CSMD1: variants seen among roughly 807,000 people sequenced by gnomAD.
CSMD1 encodes CUB and Sushi multiple domains 1.
A neutral mutation model predicts 417.5 loss-of-function variants in CSMD1; 213 were observed. The ratio of observed to expected loss-of-function variants is 0.51; its 90% CI spans 0.46 to 0.57. CSMD1 has a LOEUF of 0.57. Among genes scored for constraint, CSMD1 ranks in the 20% least tolerant of loss-of-function variants. The pLI is 0.00. For synonymous variants in CSMD1, 2,862 were observed against 1,736.8 expected (o/e 1.65, Z -16.11); for missense variants, 6,923 against 4,529.7 (o/e 1.53, Z -15.17).
intron 3 of CSMD1, among the ~76,000 whole-genome samples, chr8:4,105,328 C>T (rs1801512306): frequency 7.5e-6 from 1 of 132,580 alleles, no homozygotes; most frequent in South Asian, 2.8e-4. Flanking sequence ...AATCTTGTAA[C>T]ACTTCTGAAT....
chr8:3,275,475 T>A (rs1277614519), intron 26 of CSMD1, among the ~76,000 whole-genome samples: 1 of 152,226 alleles, frequency 6.6e-6, no homozygotes, highest in African/African-American at 2.4e-5. Flanking sequence ...AATGTTGACC[T>A]GCCTTGCTAG....
At chr8:3,567,300 G>GA (rs1470791910) in intron 10 of CSMD1, among the ~76,000 whole-genome samples, 2 of 151,932 alleles carry the variant, frequency 1.3e-5, no homozygotes, top group Non-Finnish European at 2.9e-5. Flanking sequence ...CAGAGGATCA[G>GA]AAAAAACAAC....
chr8:3,180,514 T>G (rs1247967577), intron 37 of CSMD1, among the ~76,000 whole-genome samples: 1 of 152,184 alleles, frequency 6.6e-6, no homozygotes, highest in African/African-American at 2.4e-5. Context: ...ATATTACAAG[T>G]GGTTCATTTT....
At chr8:3,788,911 G>A (rs1462325474) in intron 5 of CSMD1, among the ~76,000 whole-genome samples, 1 of 152,194 alleles carries the variant, frequency 6.6e-6, no homozygotes, top group Non-Finnish European at 1.5e-5. Flanking sequence ...GGAGGAAAGG[G>A]ACTTAGGCTA....
At chr8:4,658,254 T>C (rs1804366019) in intron 1 of CSMD1, among the ~76,000 whole-genome samples, 1 of 152,148 alleles carries the variant, frequency 6.6e-6, no homozygotes, top group Admixed American at 6.5e-5. Flanking sequence ...GAAACTCAGA[T>C]ACGTGTAGGA....
intron 1 of CSMD1, among the ~76,000 whole-genome samples, chr8:4,902,309 C>T (rs139747021): frequency 3.5e-4 from 53 of 151,670 alleles, no homozygotes; most frequent in Admixed American, 3.9e-4. Context: ...TGATGGCACA[C>T]GCCTCTAGTC....
chr8:3,492,235 C>T (rs1473026438), intron 11 of CSMD1, among the ~76,000 whole-genome samples: 1 of 152,102 alleles, frequency 6.6e-6, no homozygotes, highest in African/African-American at 2.4e-5. Flanking sequence ...CCCCAAGCAA[C>T]CAGTGGCATG....
rs533000284 is a variant in CSMD1 at position 3,295,649 on chromosome 8, C to T, written c.3951-11303G>A. On this transcript the variant is annotated intron_variant, in intron 25 of 69. Coordinates refer to ENST00000635120, the MANE Select transcript of CSMD1 (RefSeq NM_033225.6). ...GCATGATAAAGCAGATTTGCTAACT[C>T]GCTCTCCCTTGGGATTCTAACTGCT... 1.2e-4 allele frequency among the ~76,000 whole-genome samples: 19 copies of T among 152,234 alleles called. 1 individual carries two copies. Among genetic ancestry groups the T allele is most frequent in the South Asian group, 1.2e-3 (6 of 4,814 alleles).
At chr8:3,862,751 T>G (rs1230319743) in intron 5 of CSMD1, among the ~76,000 whole-genome samples, 2 of 152,144 alleles carry the variant, frequency 1.3e-5, no homozygotes, top group Non-Finnish European at 2.9e-5. Context: ...TGATTATGTT[T>G]GTTTTGCCAC....
chr8:3,141,800 CT>C (rs34760693), intron 41 of CSMD1, among the ~76,000 whole-genome samples: 10,275 of 144,224 alleles, frequency 0.071, 819 homozygotes, highest in African/African-American at 0.2. Flanking sequence ...GCCAAATTAT[CT>C]TTTTTTTTTT....
At chr8:3,702,830 A>G (rs957133881) in intron 7 of CSMD1, among the ~76,000 whole-genome samples, 3 of 152,198 alleles carry the variant, frequency 2.0e-5, no homozygotes, top group Admixed American at 2.0e-4. Flanking sequence ...CTCTGTCTCA[A>G]TAACAAACAA....
At chr8:4,540,663 G>T (rs1384244085) in intron 2 of CSMD1, among the ~76,000 whole-genome samples, 1 of 152,146 alleles carries the variant, frequency 6.6e-6, no homozygotes, top group Non-Finnish European at 1.5e-5. Context: ...GTGTACAAAG[G>T]TCAGGAAAGG....
At chr8:3,821,062 G>C (rs987551209) in intron 5 of CSMD1, among the ~76,000 whole-genome samples, 2 of 151,990 alleles carry the variant, frequency 1.3e-5, no homozygotes, top group Non-Finnish European at 2.9e-5. Flanking sequence ...GATTACAGGT[G>C]TGTGCCACCA....
chr8:4,157,748 G>A (rs1325589415), intron 3 of CSMD1, among the ~76,000 whole-genome samples: 2 of 152,180 alleles, frequency 1.3e-5, no homozygotes, highest in Admixed American at 1.3e-4. Flanking sequence ...AGGAGTCAGG[G>A]CCAGGGCTGA....
At chr8:4,444,085 T>C (rs564936476) in intron 2 of CSMD1, among the ~76,000 whole-genome samples, 4 of 152,210 alleles carry the variant, frequency 2.6e-5, no homozygotes, top group East Asian at 1.9e-4. Context: ...CTCATGCCTG[T>C]AACCCCAGCA....
intron 26 of CSMD1, among the ~76,000 whole-genome samples, chr8:3,273,568 C>T (rs930190289): frequency 6.6e-6 from 1 of 152,142 alleles, no homozygotes; most frequent in East Asian, 1.9e-4. Context: ...GTCCTGCACT[C>T]TTTTTCGTTG....
intron 5 of CSMD1, among the ~76,000 whole-genome samples, chr8:3,789,594 A>G (rs1002259861): frequency 1.3e-5 from 2 of 151,850 alleles, no homozygotes; most frequent in Admixed American, 6.6e-5. Context: ...TTATATGACT[A>G]GAGATACTGA....
At chr8:4,491,262 G>C (rs972290104) in intron 2 of CSMD1, among the ~76,000 whole-genome samples, 4 of 152,122 alleles carry the variant, frequency 2.6e-5, no homozygotes, top group African/African-American at 9.7e-5. Context: ...AATTTAGAGA[G>C]ACCATCACGG....
chr8:4,849,625 T>C (rs927267091), intron 1 of CSMD1, among the ~76,000 whole-genome samples: 8 of 152,174 alleles, frequency 5.3e-5, no homozygotes, highest in African/African-American at 7.2e-5. Flanking sequence ...TTTTTAAAAA[T>C]GCTCTAATAC....
Sources: gnomAD v4.1 joint callset for allele counts (sites outside exome capture counted in the v4.1 genomes callset) on GRCh38, gnomAD v4.1.1 for gene constraint, MANE v1.5 for transcripts, NCBI Gene and HGNC (gene_info 2026-07-23, HGNC 2026-07-21) for gene names.